TDRD7: variants seen among roughly 807,000 people sequenced by gnomAD.
TDRD7 encodes tudor domain containing 7.
Under a neutral mutation model 109.8 loss-of-function variants are expected in TDRD7, and 47 were observed. The ratio of observed to expected loss-of-function variants is 0.43; its 90% confidence interval spans 0.34 to 0.55. TDRD7 has a LOEUF of 0.55. TDRD7 is among the 20% of genes least tolerant of loss of function. The probability of loss-of-function intolerance (pLI) is 0.03; values close to 1 mark genes in which losing one functional copy is unlikely to be tolerated. For missense variants in TDRD7, 1,164 were observed against 1,319.2 expected (o/e 0.88, Z 1.82); for synonymous variants, 424 against 457.3 (o/e 0.93, Z 0.93).
In TDRD7 at chr9:97,496,093, A is replaced by G; in HGVS notation, c.*210A>G. 2.0e-6 allele frequency: 1 copy of G among 511,300 alleles called. No homozygotes were observed. The highest frequency in any genetic ancestry group is 3.5e-6 in the Non-Finnish European group (1 of 285,944). The allele number at this position is 511,300 out of a possible 1,614,324, so 31.7% of individuals were successfully genotyped here. A position where few individuals can be genotyped will look rare whatever the true frequency, so the allele number is the denominator to read the frequency against. The stretch of plus-strand genomic sequence containing the variant: ...AAAATTGTACTTGAATTATTACTAT[A>G]ATATTAGAATAAAAATGTTTATCAA... On this transcript the variant is annotated 3_prime_UTR_variant, in exon 17 of 17. Coordinates refer to ENST00000355295, the MANE Select transcript of TDRD7 (RefSeq NM_014290.3).
At position 97,472,445 on chromosome 9, in the gene TDRD7, G is replaced by A; in HGVS notation, c.1894G>A (p.Ala632Thr). The change falls in exon 10 of 17, where the codon GCC becomes ACC. Residue 632 changes from alanine to threonine, a missense_variant. Around this residue, in one of 5 missense-constraint regions of TDRD7, gnomAD observed 261 missense variants for 336.2 expected, o/e 0.78. Coordinates refer to ENST00000355295, the MANE Select transcript of TDRD7 (RefSeq NM_014290.3). ...TSGEDDININATCLKAICDKS... is the reference protein window; with the variant it reads ...TSGEDDININTTCLKAICDKS... ...AGGAGAAGATGATATCAATATCAAT[G>A]CCACCTGCTTGAAGGCTATATGTGA... The A allele has an allele frequency of 6.2e-7, 1 of 1,613,864 alleles. No individual in the cohort carries two copies. Among genetic ancestry groups the A allele is most frequent in the South Asian group, 1.1e-5 (1 of 91,068 alleles).
Position 97,464,941 on chromosome 9 carries a change from G to T in TDRD7, c.1542G>T (p.Val514=), listed in dbSNP as rs1052249017. 1.9e-6 allele frequency: 3 copies of T among 1,614,186 alleles called. No individual in the cohort carries two copies. The highest frequency in any genetic ancestry group is 2.5e-6 in the Non-Finnish European group (3 of 1,180,028). ...KNPKITPVQA[V]NVGQLLAVNA... ...CTAAGATCACACCAGTCCAGGCTGT[G>T]AATGTTGGGCAGTTGCTGGCCGTAA... Residue 514 remains valine, a synonymous_variant, in exon 8 of 17, where the codon GTG becomes GTT. Transcript: ENST00000355295.
chr9:97,421,308 T>C (rs937281972), intron 1 of TDRD7, among the ~76,000 whole-genome samples: 1 of 152,226 alleles, frequency 6.6e-6, no homozygotes, highest in Non-Finnish European at 1.5e-5. Flanking sequence ...TCATTGTGAA[T>C]TTAATTTGCA....
chr9:97,424,168 C>A (rs2118250208), intron 1 of TDRD7, among the ~76,000 whole-genome samples: 1 of 149,714 alleles, frequency 6.7e-6, no homozygotes, highest in South Asian at 2.1e-4. Flanking sequence ...ATTATCCTGC[C>A]TCAGCCTCCT....
chr9:97,482,552 G>A (rs1018164645), intron 14 of TDRD7, among the ~76,000 whole-genome samples: 4 of 152,082 alleles, frequency 2.6e-5, no homozygotes, highest in African/African-American at 9.7e-5. Context: ...TTTTAATCAT[G>A]ATATATAGAA....
Position 97,412,796 on chromosome 9 carries a change from A to C in TDRD7, c.-7+558A>C, listed in dbSNP as rs1827741650. Among the ~76,000 whole-genome samples, 1 of 152,130 alleles carries C rather than the reference A, an allele frequency of 6.6e-6. No homozygotes were observed. ...TCCCCATTTCTCTCAAACGAGGAGC[A>C]CCCAGTGGGTACAGAGCACCCAGCT... On this transcript the variant is annotated intron_variant, in intron 1 of 16. Transcript: ENST00000355295. This position sits in a 1 kb window ranked among gnomAD's most constrained non-coding sequence, Gnocchi z 4.3.
chr9:97,464,503 G>A (rs1358179649), intron 7 of TDRD7, among the ~76,000 whole-genome samples: 12 of 151,894 alleles, frequency 7.9e-5, no homozygotes, highest in Admixed American at 2.6e-4. Flanking sequence ...GACTACAGGC[G>A]CCCACCCCCA....
intron 7 of TDRD7, among the ~76,000 whole-genome samples, chr9:97,463,380 G>GTTTTTTTT (rs1179946909): frequency 2.4e-5 from 3 of 125,706 alleles, no homozygotes; most frequent in Admixed American, 7.9e-5. Flanking sequence ...TCTGAGTTTT[G>GTTTTTTTT]TTTTTTTTTT....
chr9:97,477,109 AC>A (rs1294750990), intron 12 of TDRD7, among the ~76,000 whole-genome samples: 2 of 152,204 alleles, frequency 1.3e-5, no homozygotes, highest in Non-Finnish European at 2.9e-5. Flanking sequence ...ATGCATACTA[AC>A]TTTTTCAACT....
Position 97,441,636 on chromosome 9 carries a change from CTAT to C in TDRD7, c.638-17_638-15del. The C allele has an allele frequency of 6.4e-7, 1 of 1,556,586 alleles. No homozygotes were observed. The highest frequency in any genetic ancestry group is 8.8e-7 in the Non-Finnish European group (1 of 1,141,806). ...AAAATGTTAAGCATTTTGGTTAATTCTATTATTTTTTTAATTTAAAGATAATTT... is the reference window on the plus strand; with the variant it reads ...AAAATGTTAAGCATTTTGGTTAATTCTATTTTTTTAATTTAAAGATAATTT... On this transcript the variant is annotated intron_variant, in intron 5 of 16. Coordinates refer to ENST00000355295, the MANE Select transcript of TDRD7 (RefSeq NM_014290.3).
intron 3 of TDRD7, 128 bp downstream of exon 3, chr9:97,431,202 G>A: frequency 7.2e-7 from 1 of 1,386,744 alleles, no homozygotes; most frequent in Non-Finnish European, 1.0e-6. Context: ...TCAGGGGAAA[G>A]ATCCTGAAGC....
chr9:97,444,626 G>A (rs1195834631), intron 6 of TDRD7, among the ~76,000 whole-genome samples: 2 of 152,198 alleles, frequency 1.3e-5, no homozygotes, highest in African/African-American at 4.8e-5. Context: ...TTGGTAATGG[G>A]TATCTCTCTT....
intron 7 of TDRD7, among the ~76,000 whole-genome samples, chr9:97,461,320 A>G (rs1485334271): frequency 6.6e-6 from 1 of 152,218 alleles, no homozygotes; most frequent in Non-Finnish European, 1.5e-5. Context: ...CTTGTTGGTA[A>G]CTATATTATG....
intron 11 of TDRD7, among the ~76,000 whole-genome samples, chr9:97,474,278 A>G (rs1828973426): frequency 6.6e-6 from 1 of 152,132 alleles, no homozygotes; most frequent in African/African-American, 2.4e-5. Flanking sequence ...ATATTTCAGA[A>G]TATGCTGTGG....
chr9:97,459,488 TAC>T (rs1414873560), intron 6 of TDRD7, among the ~76,000 whole-genome samples: 1 of 152,216 alleles, frequency 6.6e-6, no homozygotes, highest in African/African-American at 2.4e-5. Context: ...AATTATGCCA[TAC>T]ATCAGTTTCT....
At chr9:97,426,095 C>A (rs1417995768) in intron 1 of TDRD7, among the ~76,000 whole-genome samples, 1 of 152,070 alleles carries the variant, frequency 6.6e-6, no homozygotes, top group Non-Finnish European at 1.5e-5. Flanking sequence ...AGGTCACTTG[C>A]CATGAATGGA....
chr9:97,454,061 A>G (rs1828557358), intron 6 of TDRD7, among the ~76,000 whole-genome samples: 1 of 152,254 alleles, frequency 6.6e-6, no homozygotes, highest in Non-Finnish European at 1.5e-5. Flanking sequence ...AGACATTTAC[A>G]GAACTCTCTA....
intron 1 of TDRD7, among the ~76,000 whole-genome samples, chr9:97,423,453 A>G (rs1037887701): frequency 1.3e-5 from 2 of 151,006 alleles, no homozygotes; most frequent in Admixed American, 6.6e-5. Context: ...TGGTTTGAAA[A>G]CTAGTTTTAG....
chr9:97,453,874 A>G lies in TDRD7; in HGVS notation c.856-6304A>G, dbSNP rs148702810. The stretch of plus-strand genomic sequence containing the variant: ...ACTATTCTAAATATATATGCACCCA[A>G]TACAAGAGCGCGCAGATTCATGAAA... On this transcript the variant is annotated intron_variant, in intron 6 of 16. Transcript: ENST00000355295. 4.1e-4 allele frequency among the ~76,000 whole-genome samples: 63 copies of G among 152,342 alleles called. 1 individual carries two copies. The East Asian group carries it at 0.012, about 28-fold the overall frequency.
Sources: gnomAD v4.1 joint callset for allele counts (sites outside exome capture counted in the v4.1 genomes callset) on GRCh38, gnomAD v4.1.1 for gene constraint, gnomAD v4.1.1 regional missense constraint, Gnocchi (gnomAD v3.1) non-coding constraint, MANE v1.5 for transcripts, NCBI Gene and HGNC (gene_info 2026-07-23, HGNC 2026-07-21) for gene names.